Variants in FGD6 observed in about 807,000 individuals in gnomAD.
FGD6 encodes FYVE, RhoGEF and PH domain-containing protein 6.
In FGD6, 90 loss-of-function variants were observed where a neutral mutation model predicts 149.4. That is an observed-to-expected ratio of 0.60 (90% CI 0.51 to 0.72). FGD6 has a LOEUF of 0.72. Among genes scored for constraint, FGD6 ranks in the 30% least tolerant of loss-of-function variants. The probability of loss-of-function intolerance (pLI) is 0.00; values close to 1 mark genes in which losing one functional copy is unlikely to be tolerated. For synonymous variants in FGD6, 527 were observed against 584.0 expected (o/e 0.90, Z 1.41); for missense variants, 1,437 against 1,684.8 (o/e 0.85, Z 2.57).
At chr12:95,206,063 T>G (rs2056691469) in intron 2 of FGD6, among the ~76,000 whole-genome samples, 1 of 152,014 alleles carries the variant, frequency 6.6e-6, no homozygotes. Flanking sequence ...TAGCAGGCCC[T>G]AACAAACTAA....
chr12:95,181,412 G>A (rs1204275013), intron 2 of FGD6, among the ~76,000 whole-genome samples: 1 of 152,162 alleles, frequency 6.6e-6, no homozygotes, highest in African/African-American at 2.4e-5. Context: ...AGACACTCTT[G>A]GCCATCTAGC....
At chr12:95,172,352 G>A (rs1038903175) in intron 3 of FGD6, among the ~76,000 whole-genome samples, 1 of 152,086 alleles carries the variant, frequency 6.6e-6, no homozygotes, top group Admixed American at 6.6e-5. Flanking sequence ...CTCCAGCCTG[G>A]GCAACAGAGC....
rs148523195 is a variant in FGD6 at position 95,092,586 on chromosome 12, A to T, written c.3747+113T>A. The T allele has an allele frequency of 1.6e-4, 171 of 1,065,154 alleles. 1 individual carries two copies. In the African/African-American group the frequency reaches 2.3e-3, roughly 14 times the overall value. The allele number at this position is 1,065,154 out of a possible 1,614,324, so 66.0% of individuals were successfully genotyped here. ...CTACCATTAACATAATAATAATAAT[A>T]GTTATTGTTATTCTTGAACTATAAT... is the stretch of plus-strand genomic sequence containing the variant. On this transcript the variant is annotated intron_variant, in intron 16 of 20. Coordinates refer to ENST00000343958, the MANE Select transcript of FGD6 (RefSeq NM_018351.4).
At chr12:95,101,433 A>G (rs185567679) in intron 14 of FGD6, among the ~76,000 whole-genome samples, 6 of 152,296 alleles carry the variant, frequency 3.9e-5, no homozygotes, top group African/African-American at 1.4e-4. Context: ...GAACATCCAG[A>G]TATTCACCTA....
Position 95,076,918 on chromosome 12 carries a change from A to G in FGD6, c.*4602T>C, listed in dbSNP as rs1375017721. On this transcript the variant is annotated 3_prime_UTR_variant, in exon 21 of 21. Coordinates refer to ENST00000343958, the MANE Select transcript of FGD6 (RefSeq NM_018351.4). Reference sequence around the variant, plus strand: ...CCATTAAAAAAAAAACGATATTTCAAGATTGGTTCTTACATGCTATGACCA... The same window carrying G: ...CCATTAAAAAAAAAACGATATTTCAGGATTGGTTCTTACATGCTATGACCA... 1 of 152,104 alleles carries G rather than the reference A, an allele frequency of 6.6e-6. No homozygotes were observed. The highest frequency in any genetic ancestry group is 2.4e-5 in the African/African-American group (1 of 41,422). 9.4% of individuals were successfully genotyped at this position (152,104 alleles called of 1,614,324 possible).
chr12:95,137,794 G>T, intron 6 of FGD6, 116 bp from the exon 7 acceptor site: 1 of 669,848 alleles, frequency 1.5e-6, no homozygotes, highest in Non-Finnish European at 2.2e-6. Context: ...CTTCTTGTAA[G>T]ACATACCTCA....
chr12:95,179,748 G>C (rs972754002), intron 2 of FGD6, among the ~76,000 whole-genome samples: 1 of 151,882 alleles, frequency 6.6e-6, no homozygotes, highest in Non-Finnish European at 1.5e-5. Flanking sequence ...ATTAAAAAAA[G>C]ACCGGTTAAA....
chr12:95,136,079 G>T (rs1186637371), intron 7 of FGD6, among the ~76,000 whole-genome samples: 1 of 152,104 alleles, frequency 6.6e-6, no homozygotes, highest in Non-Finnish European at 1.5e-5. Context: ...TTTCATTTTG[G>T]TTGGGTGAGG....
In FGD6 at chr12:95,079,015, A is replaced by G. The variant is rs1161469146; in HGVS notation, c.*2505T>C. On this transcript the variant is annotated 3_prime_UTR_variant, in exon 21 of 21. Transcript: ENST00000343958. ...TCTCCCCATTTATAGACTGTGCCCA[A>G]TATCATTTTTCCTCTAAAATACTAG... The G allele has an allele frequency of 1.3e-5, 2 of 152,228 alleles. No homozygotes were observed. Among genetic ancestry groups the G allele is most frequent in the Non-Finnish European group, 2.9e-5 (2 of 68,036 alleles). 9.4% of individuals were successfully genotyped at this position (152,228 alleles called of 1,614,324 possible). A position where few individuals can be genotyped will look rare whatever the true frequency, so the allele number is the denominator to read the frequency against.
At chr12:95,194,741 C>CG (rs934439105) in intron 2 of FGD6, among the ~76,000 whole-genome samples, 3 of 152,034 alleles carry the variant, frequency 2.0e-5, no homozygotes, top group Non-Finnish European at 2.9e-5. Flanking sequence ...CAAGTAAAAA[C>CG]GGGGGGAATC....
At chr12:95,168,405 T>G (rs1164416647) in intron 3 of FGD6, among the ~76,000 whole-genome samples, 1 of 152,214 alleles carries the variant, frequency 6.6e-6, no homozygotes, top group Non-Finnish European at 1.5e-5. Context: ...GGATCACGCC[T>G]GTAATCCCGG....
intron 8 of FGD6, among the ~76,000 whole-genome samples, chr12:95,120,335 TA>T (rs1398669148): frequency 6.6e-6 from 1 of 151,146 alleles, no homozygotes; most frequent in Non-Finnish European, 1.5e-5. Flanking sequence ...TTTATTTATT[TA>T]TTTATTTTTT....
At chr12:95,207,707 C>G (rs1412348955) in intron 2 of FGD6, among the ~76,000 whole-genome samples, 1 of 152,204 alleles carries the variant, frequency 6.6e-6, no homozygotes, top group East Asian at 1.9e-4. Context: ...ATGACTAGAA[C>G]TCTTCATGGA....
At chr12:95,216,587 T>C (rs1488671861) in intron 1 of FGD6, among the ~76,000 whole-genome samples, 1 of 144,062 alleles carries the variant, frequency 6.9e-6, no homozygotes, top group Admixed American at 7.5e-5. Context: ...GAAAGAACTA[T>C]GGGAGGCAGA....
At chr12:95,192,483 T>C (rs1430466539) in intron 2 of FGD6, among the ~76,000 whole-genome samples, 1 of 152,206 alleles carries the variant, frequency 6.6e-6, no homozygotes, top group Non-Finnish European at 1.5e-5. Flanking sequence ...AAAATTCACT[T>C]CCTCATTCAT....
At chr12:95,113,589 C>G in intron 9 of FGD6, 62 bp downstream of exon 9, 3 of 1,252,768 alleles carry the variant, frequency 2.4e-6, no homozygotes, top group Non-Finnish European at 3.4e-6. Context: ...TATATTTTTA[C>G]TTTCTAGCCC....
At position 95,210,174 on chromosome 12, in the gene FGD6, A is replaced by C. The variant is rs772286585; in HGVS notation, c.1110T>G (p.Cys370Trp). 6 of 1,613,862 alleles carry C rather than the reference A, an allele frequency of 3.7e-6. No individual in the cohort carries two copies. Among genetic ancestry groups the C allele is most frequent in the Non-Finnish European group, 5.1e-6 (6 of 1,180,032 alleles). ...TCATTTTATCCACCTGTTCCTGCTTACACAAAACATTCTGATGCAGAACAC... is the reference window on the plus strand; with the variant it reads ...TCATTTTATCCACCTGTTCCTGCTTCCACAAAACATTCTGATGCAGAACAC... ...KISVLHQNVLCKQEQVDKMKL... is the reference protein window; with the variant it reads ...KISVLHQNVLWKQEQVDKMKL... Residue 370 changes from cysteine (C) to tryptophan (W), a missense_variant, in exon 2 of 21, where the codon TGT becomes TGG. Cys to Trp is a radical substitution (Grantham distance 215, BLOSUM62 -2). Transcript: ENST00000343958.
chr12:95,082,356 A>G (rs543071398), intron 20 of FGD6, among the ~76,000 whole-genome samples: 8 of 151,658 alleles, frequency 5.3e-5, no homozygotes, highest in African/African-American at 1.9e-4. Context: ...AAAAGTTTGC[A>G]TGCTGTATGA....
intron 8 of FGD6, among the ~76,000 whole-genome samples, chr12:95,130,395 T>G (rs1469346591): frequency 6.6e-6 from 1 of 152,162 alleles, no homozygotes; most frequent in Non-Finnish European, 1.5e-5. Context: ...AGGAGTTGCC[T>G]CAAATGAATG....
Sources: gnomAD v4.1 joint callset for allele counts (sites outside exome capture counted in the v4.1 genomes callset) on GRCh38, gnomAD v4.1.1 for gene constraint, MANE v1.5 for transcripts, NCBI Gene and HGNC (gene_info 2026-07-23, HGNC 2026-07-21) for gene names.